Variants in PCNX2 observed in about 807,000 individuals in gnomAD.
PCNX2 encodes the protein pecanex 2.
PCNX2 carries 168 observed loss-of-function variants against 223.8 expected under a neutral mutation model. The observed-to-expected ratio is 0.75, with a 90% CI of 0.66 to 0.85. PCNX2 has a LOEUF of 0.85. Ranked by LOEUF, PCNX2 falls within the 40% of genes least tolerant of loss-of-function variation. The pLI is 0.00. For missense variants in PCNX2, 2,507 were observed against 2,675.5 expected (o/e 0.94, Z 1.39); for synonymous variants, 1,006 against 1,052.6 (o/e 0.96, Z 0.86).
intron 1 of PCNX2, among the ~76,000 whole-genome samples, chr1:233,272,859 A>T (rs1231390649): frequency 6.6e-6 from 1 of 152,212 alleles, no homozygotes; most frequent in African/African-American, 2.4e-5. Flanking sequence ...CCTGGATGGA[A>T]TTGGAGACCA....
intron 5 of PCNX2, among the ~76,000 whole-genome samples, chr1:233,255,935 A>T (rs1189100594): frequency 2.0e-5 from 3 of 152,220 alleles, no homozygotes; most frequent in Non-Finnish European, 2.9e-5. Flanking sequence ...CTGAAAAACC[A>T]TCTAATTTGC....
chr1:233,320,216 A>G, the PCNX2 span, among the ~76,000 whole-genome samples: 1 of 152,220 alleles, frequency 6.6e-6, no homozygotes, highest in African/African-American at 2.4e-5. Flanking sequence ...ATTTTCTCCA[A>G]TGGAATTATG....
intron 13 of PCNX2, among the ~76,000 whole-genome samples, chr1:233,205,650 C>T (rs762553480): frequency 1.3e-5 from 2 of 151,762 alleles, no homozygotes; most frequent in South Asian, 2.1e-4. Context: ...GAACCTAGAT[C>T]GTGCCTCTGC....
At chr1:233,302,845 C>G in the PCNX2 span, among the ~76,000 whole-genome samples, 1 of 152,072 alleles carries the variant, frequency 6.6e-6, no homozygotes, top group African/African-American at 2.4e-5. Context: ...TCCTAATAAT[C>G]TATATCCTCA....
At chr1:233,288,233 C>T (rs1661555878) in intron 1 of PCNX2, among the ~76,000 whole-genome samples, 2 of 151,918 alleles carry the variant, frequency 1.3e-5, no homozygotes, top group South Asian at 4.2e-4. Flanking sequence ...GAAGTAACAC[C>T]AAGTGAATTA....
At chr1:233,250,629 T>C in intron 8 of PCNX2, 110 bp downstream of exon 8, 1 of 1,389,004 alleles carries the variant, frequency 7.2e-7, no homozygotes, top group Non-Finnish European at 9.3e-7. Context: ...CCTTAACAAC[T>C]ACAAAGGGAT....
Position 233,204,575 on chromosome 1 carries a change from TTCCACAAGGAAGAAA to T in PCNX2, c.2863+3928_2863+3942del, listed in dbSNP as rs1461573885. On this transcript the variant is annotated intron_variant, in intron 13 of 33. Transcript: ENST00000258229. ...GTTGAGGGAATAGACAGTGAATAAG[TTCCACAAGGAAGAAA>T]TGACTTTAAGTAGCCCTTGTGTTCC... Among the ~76,000 whole-genome samples the T allele has an allele frequency of 6.6e-5, 10 of 152,328 alleles. No homozygotes were observed. In the East Asian group the frequency reaches 1.5e-3, roughly 24 times the overall value.
intron 12 of PCNX2, among the ~76,000 whole-genome samples, chr1:233,208,943 T>G (rs199790827): frequency 1.3e-5 from 2 of 150,964 alleles, no homozygotes; most frequent in Non-Finnish European, 3.0e-5. Flanking sequence ...CCTATCATTC[T>G]CAACAAGATT....
Position 233,228,592 on chromosome 1 carries a change from G to A in PCNX2, c.2359-1221C>T, listed in dbSNP as rs565878929. On this transcript the variant is annotated intron_variant, in intron 9 of 33. Transcript: ENST00000258229. Reference sequence around the variant, plus strand: ...TTTTTGTGACTGGCTTATTCCACTCGGCATAGTGTCCTCAAGCTTCATCCA... The same window carrying A: ...TTTTTGTGACTGGCTTATTCCACTCAGCATAGTGTCCTCAAGCTTCATCCA... Among the ~76,000 whole-genome samples, 12 of 152,168 alleles carry A rather than the reference G, an allele frequency of 7.9e-5. No homozygotes were observed. In the East Asian group the frequency reaches 2.1e-3, roughly 27 times the overall value.
At chr1:233,036,601 G>T (rs1671464141) in intron 25 of PCNX2, among the ~76,000 whole-genome samples, 1 of 150,610 alleles carries the variant, frequency 6.6e-6, no homozygotes, top group Non-Finnish European at 1.5e-5. Context: ...CTGCACTCCA[G>T]CCTGGGCAAC....
At chr1:233,055,921 A>G (rs1421608322) in intron 24 of PCNX2, among the ~76,000 whole-genome samples, 1 of 152,210 alleles carries the variant, frequency 6.6e-6, no homozygotes, top group Non-Finnish European at 1.5e-5. Flanking sequence ...GCGCTTACAT[A>G]AGGAAGATCA....
chr1:233,295,431 C>T lies in PCNX2; in HGVS notation c.48G>A (p.Ala16=), dbSNP rs968941768. 4 of 1,551,646 alleles carry T rather than the reference C, an allele frequency of 2.6e-6. No individual in the cohort carries two copies. Among genetic ancestry groups the T allele is most frequent in the Non-Finnish European group, 3.5e-6 (4 of 1,147,246 alleles). Reference sequence around the variant, plus strand: ...GGTCGTGGTACCAGCCCCCGGTGAGCGCGGCCCACACGCCCTGCCGGAGCA... The same window carrying T: ...GGTCGTGGTACCAGCCCCCGGTGAGTGCGGCCCACACGCCCTGCCGGAGCA... ...LQLLRQGVWA[A]LTGGWYHDPE... The change falls in exon 1 of 34, where the codon GCG becomes GCA. Residue 16 remains alanine (A), a synonymous_variant. Coordinates refer to ENST00000258229, the MANE Select transcript of PCNX2 (RefSeq NM_014801.4). The surrounding 1 kb of genome is among the most constrained non-coding windows in gnomAD (Gnocchi z 4.1).
At chr1:233,208,102 T>A (rs1265108765) in intron 13 of PCNX2, among the ~76,000 whole-genome samples, 1 of 152,118 alleles carries the variant, frequency 6.6e-6, no homozygotes, top group Non-Finnish European at 1.5e-5. Flanking sequence ...ATTACAGGCA[T>A]GCGCCAACAT....
intron 22 of PCNX2, 36 bp from the exon 23 acceptor site, chr1:233,090,226 T>C (rs1398227457): frequency 1.3e-6 from 2 of 1,592,046 alleles, no homozygotes; most frequent in Non-Finnish European, 8.5e-7. Flanking sequence ...AAAAAAATTA[T>C]GATTCTTAGA....
intron 33 of PCNX2, chr1:232,985,155 G>A (rs1669425332): frequency 6.6e-6 from 1 of 152,244 alleles, no homozygotes; most frequent in South Asian, 2.1e-4. Context: ...TTCCATGAAA[G>A]GTGGCACCCA....
rs780664775 is a variant in PCNX2, at chr1:233,258,128, T to C, written c.1734A>G (p.Glu578=). Residue 578 remains glutamate, a synonymous_variant, in exon 5 of 34, where the codon GAA becomes GAG. Transcript: ENST00000258229. ...GQMPNESNFL[E]FVSLLESINT... ...TAATGGATTCTAACAGGGAGACAAA[T>C]TCCAGGAAGTTGGACTCATTTGGCA... The C allele has an allele frequency of 1.9e-6, 3 of 1,613,852 alleles. No homozygotes were observed. Among genetic ancestry groups the C allele is most frequent in the Admixed American group, 3.3e-5 (2 of 60,012 alleles).
intron 17 of PCNX2, among the ~76,000 whole-genome samples, chr1:233,172,128 T>A (rs1679188837): frequency 6.6e-6 from 1 of 152,218 alleles, no homozygotes; most frequent in South Asian, 2.1e-4. Flanking sequence ...TCTTTAAGCA[T>A]CTTAAGTATA....
intron 21 of PCNX2, among the ~76,000 whole-genome samples, chr1:233,124,818 C>T (rs1393407184): frequency 1.3e-5 from 2 of 152,224 alleles, no homozygotes; most frequent in Non-Finnish European, 2.9e-5. Flanking sequence ...CTAAATCCTT[C>T]ACAGGTAATA....
the PCNX2 span, among the ~76,000 whole-genome samples, chr1:233,318,442 A>G: frequency 6.6e-6 from 1 of 151,686 alleles, no homozygotes; most frequent in African/African-American, 2.4e-5. Flanking sequence ...CCTTTTCTCT[A>G]GTTGAGTGAC....
Sources: allele counts gnomAD v4.1 joint callset (sites outside exome capture counted in the v4.1 genomes callset), GRCh38; gene constraint gnomAD v4.1.1; non-coding constraint Gnocchi (gnomAD v3.1); transcripts MANE v1.5; gene names NCBI Gene and HGNC (gene_info 2026-07-23, HGNC 2026-07-21).